The following KMT5B variants were observed in gnomAD, a reference collection of about 807,000 sequenced individuals.
The protein encoded by KMT5B is lysine methyltransferase 5B.
In KMT5B, 10 loss-of-function variants were observed where a neutral mutation model predicts 83.2. That is an observed-to-expected ratio of 0.12 (90% confidence interval 0.07 to 0.20). The LOEUF (loss-of-function observed/expected upper bound fraction) is 0.20. Ranked by LOEUF, KMT5B falls within the 10% of genes least tolerant of loss-of-function variation. The pLI, the probability that KMT5B is intolerant of heterozygous loss-of-function variation, is 1.00. For missense variants in KMT5B, 753 were observed against 1,067.2 expected (o/e 0.71, Z 4.10); for synonymous variants, 349 against 388.8 (o/e 0.90, Z 1.20).
chr11:68,189,363 G>A (rs1030024250), intron 2 of KMT5B, among the ~76,000 whole-genome samples: 2 of 152,102 alleles, frequency 1.3e-5, no homozygotes, highest in African/African-American at 4.8e-5. Flanking sequence ...AGGTATAGAG[G>A]AAATAAAGTA....
intron 3 of KMT5B, 93 bp downstream of exon 3, chr11:68,185,688 A>G (rs530168016): frequency 2.3e-6 from 3 of 1,319,144 alleles, no homozygotes; most frequent in Non-Finnish European, 3.1e-6. Context: ...CTTTAATGTC[A>G]TTTTAAATTT....
intron 3 of KMT5B, among the ~76,000 whole-genome samples, chr11:68,184,942 AAC>A (rs1857290100): frequency 6.6e-6 from 1 of 152,198 alleles, no homozygotes; most frequent in African/African-American, 2.4e-5. Flanking sequence ...TGGTACTCAA[AAC>A]ACTTACACAT....
intron 3 of KMT5B, among the ~76,000 whole-genome samples, chr11:68,185,530 A>G (rs1346334791): frequency 2.6e-5 from 4 of 152,232 alleles, no homozygotes; most frequent in Non-Finnish European, 5.9e-5. Flanking sequence ...AAAATAGAAC[A>G]TGAGGATGCT....
intron 3 of KMT5B, among the ~76,000 whole-genome samples, chr11:68,185,133 T>A (rs569601259): frequency 5.9e-5 from 9 of 152,244 alleles, no homozygotes; most frequent in African/African-American, 2.2e-4. Context: ...CTACTTTAGG[T>A]TGGAAATAAT....
chr11:68,209,738 A>C (rs1464220104), intron 1 of KMT5B, among the ~76,000 whole-genome samples: 1 of 152,210 alleles, frequency 6.6e-6, no homozygotes, highest in African/African-American at 2.4e-5. Flanking sequence ...CTAAGTGGTA[A>C]GGGTGGGTCT....
chr11:68,194,932 T>C (rs746753938), intron 1 of KMT5B, among the ~76,000 whole-genome samples: 38 of 152,202 alleles, frequency 2.5e-4, no homozygotes, highest in Non-Finnish European at 4.4e-4. Context: ...CCTAGCCCTC[T>C]GGGAGACCAA....
intron 5 of KMT5B, among the ~76,000 whole-genome samples, chr11:68,174,530 T>C (rs973232938): frequency 3.9e-5 from 6 of 152,118 alleles, no homozygotes; most frequent in African/African-American, 1.4e-4. Flanking sequence ...AAGTTTTCTC[T>C]CCTTTTTTGG....
intron 9 of KMT5B, among the ~76,000 whole-genome samples, chr11:68,169,279 C>G (rs1322805797): frequency 1.3e-5 from 2 of 152,164 alleles, no homozygotes; most frequent in South Asian, 2.1e-4. Flanking sequence ...AGGGAAAGAG[C>G]TGTTTCGGTG....
At chr11:68,179,994 A>T (rs1041392954) in intron 4 of KMT5B, 138 bp downstream of exon 4, 1 of 1,023,436 alleles carries the variant, frequency 9.8e-7, no homozygotes, top group Non-Finnish European at 1.4e-6. Context: ...ACTATTATCA[A>T]ACTACTTTAA....
At chr11:68,198,888 C>T (rs1284415376) in intron 1 of KMT5B, among the ~76,000 whole-genome samples, 1 of 152,174 alleles carries the variant, frequency 6.6e-6, no homozygotes, top group South Asian at 2.1e-4. Context: ...CGCCATCACA[C>T]CCGGCTGATT....
At chr11:68,159,647 A>G (rs1417652760) in intron 10 of KMT5B, among the ~76,000 whole-genome samples, 1 of 152,270 alleles carries the variant, frequency 6.6e-6, no homozygotes, top group African/African-American at 2.4e-5. Flanking sequence ...GAGTAGAAAT[A>G]GAATACTCAT....
chr11:68,198,256 T>C (rs1331536324), intron 1 of KMT5B, among the ~76,000 whole-genome samples: 1 of 152,118 alleles, frequency 6.6e-6, no homozygotes, highest in African/African-American at 2.4e-5. Flanking sequence ...TGGTGTCACA[T>C]GCCTGTAATC....
At chr11:68,181,282 T>G (rs533739636) in intron 3 of KMT5B, among the ~76,000 whole-genome samples, 50 of 152,038 alleles carry the variant, frequency 3.3e-4, no homozygotes, top group African/African-American at 1.1e-3. Flanking sequence ...ACCATGTTGG[T>G]CAGGCTGGTG....
intron 1 of KMT5B, among the ~76,000 whole-genome samples, chr11:68,210,090 C>T (rs1860694523): frequency 6.6e-6 from 1 of 152,154 alleles, no homozygotes; most frequent in African/African-American, 2.4e-5. Flanking sequence ...CGTGATCCAC[C>T]CGCCTCGGCC....
At chr11:68,183,493 G>C (rs1163348214) in intron 3 of KMT5B, among the ~76,000 whole-genome samples, 1 of 151,994 alleles carries the variant, frequency 6.6e-6, no homozygotes, top group Non-Finnish European at 1.5e-5. Context: ...GAGTAGCTGG[G>C]ACTACAGGCG....
At chr11:68,206,277 TCAAA>T (rs1365907922) in intron 1 of KMT5B, among the ~76,000 whole-genome samples, 2 of 152,202 alleles carry the variant, frequency 1.3e-5, no homozygotes, top group South Asian at 2.1e-4. Context: ...TCTCTAGGAC[TCAAA>T]CAGCCATTCA....
intron 6 of KMT5B, among the ~76,000 whole-genome samples, chr11:68,173,332 C>T (rs1340878635): frequency 6.6e-6 from 1 of 152,136 alleles, no homozygotes; most frequent in Non-Finnish European, 1.5e-5. Flanking sequence ...TGAGCCAATG[C>T]CCCCCACCAA....
At position 68,202,717 on chromosome 11, in the gene KMT5B, T is replaced by C. The variant is rs1297437652; in HGVS notation, c.-77+10421A>G. 2.0e-5 allele frequency among the ~76,000 whole-genome samples: 3 copies of C among 151,224 alleles called. No individual in the cohort carries two copies. The East Asian group carries it at 5.9e-4, about 30-fold the overall frequency. On this transcript the variant is annotated intron_variant, in intron 1 of 10. Transcript: ENST00000304363. ...GCGCGCACCACTATGCCCGGCTAAT[T>C]TTTGTATTTTTAGTAGACACGGGGT...
intron 1 of KMT5B, among the ~76,000 whole-genome samples, chr11:68,203,701 A>G (rs1167789176): frequency 1.3e-5 from 2 of 152,218 alleles, no homozygotes; most frequent in African/African-American, 4.8e-5. Context: ...GCTCCTATAA[A>G]CATTGTTGTC....
Sources: gnomAD v4.1 joint callset for allele counts (sites outside exome capture counted in the v4.1 genomes callset) on GRCh38, gnomAD v4.1.1 for gene constraint, MANE v1.5 for transcripts, NCBI Gene and HGNC (gene_info 2026-07-23, HGNC 2026-07-21) for gene names.